The following LRPAP1 variants were observed in gnomAD, a reference collection of about 807,000 sequenced individuals.
The protein encoded by LRPAP1 is alpha-2-macroglobulin receptor-associated protein.
Under a neutral mutation model 39.9 loss-of-function variants are expected in LRPAP1, and 41 were observed. The ratio of observed to expected loss-of-function variants is 1.03; its 90% CI spans 0.80 to 1.33. LRPAP1 has a LOEUF of 1.33. Among genes scored for constraint, LRPAP1 ranks in the 40% most tolerant of loss-of-function variants. The pLI is 0.00. For synonymous variants in LRPAP1, 263 were observed against 212.7 expected (o/e 1.24, Z -2.06); for missense variants, 565 against 482.3 (o/e 1.17, Z -1.61).
In LRPAP1 at chr4:3,510,551, A is replaced by G. The variant is rs1244854530; in HGVS notation, c.*2423T>C. The G allele has an allele frequency of 6.6e-6, 1 of 152,298 alleles. No individual in the cohort carries two copies. Among genetic ancestry groups the G allele is most frequent in the East Asian group, 1.9e-4 (1 of 5,204 alleles). The allele number at this position is 152,298 out of a possible 1,614,324, so 9.4% of individuals were successfully genotyped here. ...CAAATTAGGAGAAAAAAGCCTATGC[A>G]GCAAATAATCTGAAAGTTAAGGGAG... On this transcript the variant is annotated 3_prime_UTR_variant, in exon 8 of 8. Transcript: ENST00000650182.
Position 3,532,117 on chromosome 4 carries a change from C to A in LRPAP1, c.204+92G>T, listed in dbSNP as rs1007427095. 38 of 1,395,006 alleles carry A rather than the reference C, an allele frequency of 2.7e-5. 1 individual carries two copies. The highest frequency in any genetic ancestry group is 4.0e-5 in the South Asian group (3 of 74,104). 86.4% of individuals were successfully genotyped at this position (1,395,006 alleles called of 1,614,324 possible). ...GGCACAGGTGCCCCGGCTGCGCCCCCCTCCGCCTCCGACCCCTGGGCCCCG... is the reference window on the plus strand; with the variant it reads ...GGCACAGGTGCCCCGGCTGCGCCCCACTCCGCCTCCGACCCCTGGGCCCCG... On this transcript the variant is annotated intron_variant, in intron 1 of 7. Coordinates refer to ENST00000650182, the MANE Select transcript of LRPAP1 (RefSeq NM_002337.4).
chr4:3,507,209 A>G lies in LRPAP1; in HGVS notation c.*5765T>C, dbSNP rs769197097. On this transcript the variant is annotated 3_prime_UTR_variant, in exon 8 of 8. Transcript: ENST00000650182. ...ACTGCACTCCAAGCCTGTGCGAGAA[A>G]GATCCTGACTCAAAAAAAAAGACAA... 2 of 152,188 alleles carry G rather than the reference A, an allele frequency of 1.3e-5. No homozygotes were observed. The highest frequency in any genetic ancestry group is 2.9e-5 in the Non-Finnish European group (2 of 68,036). 9.4% of individuals were successfully genotyped at this position (152,188 alleles called of 1,614,324 possible). A position where few individuals can be genotyped will look rare whatever the true frequency, so the allele number is the denominator to read the frequency against.
chr4:3,504,275 A>G lies in LRPAP1; in HGVS notation c.*8699T>C, dbSNP rs1290417976. ...AGAACCCTCTCCAGGAGGATGATCC[A>G]TATAACAGCTCTCAAATAGGCCCCC... On this transcript the variant is annotated 3_prime_UTR_variant, in exon 8 of 8. Coordinates refer to ENST00000650182, the MANE Select transcript of LRPAP1 (RefSeq NM_002337.4). The G allele has an allele frequency of 6.6e-6, 1 of 152,288 alleles. No individual in the cohort carries two copies. The highest frequency in any genetic ancestry group is 1.9e-4 in the East Asian group (1 of 5,198). 9.4% of individuals were successfully genotyped at this position (152,288 alleles called of 1,614,324 possible).
chr4:3,512,925 G>A lies in LRPAP1; in HGVS notation c.*49C>T. 1.3e-6 allele frequency: 2 copies of A among 1,554,564 alleles called. No individual in the cohort carries two copies. Among genetic ancestry groups the A allele is most frequent in the Non-Finnish European group, 1.8e-6 (2 of 1,142,546 alleles). ...CGGAAATGCCACGGCCAAGAGCCCA[G>A]GTCCTTCACGCTGGCCTCTTCCCTG... On this transcript the variant is annotated 3_prime_UTR_variant, in exon 8 of 8. Coordinates refer to ENST00000650182, the MANE Select transcript of LRPAP1 (RefSeq NM_002337.4).
chr4:3,532,015 A>C, intron 1 of LRPAP1, 194 bp downstream of exon 1: 2 of 631,390 alleles, frequency 3.2e-6, no homozygotes, highest in Non-Finnish European at 5.3e-6. Context: ...CGGCACGGGT[A>C]CCTTTCCTGC....
At chr4:3,524,771 C>T in intron 2 of LRPAP1, 136 bp downstream of exon 2, 1 of 1,024,110 alleles carries the variant, frequency 9.8e-7, no homozygotes, top group Non-Finnish European at 1.5e-6. Context: ...GGGAAAGGCT[C>T]ATTTTGGATA....
chr4:3,520,450 C>G (rs1340578513), intron 2 of LRPAP1, among the ~76,000 whole-genome samples: 1 of 152,248 alleles, frequency 6.6e-6, no homozygotes, highest in African/African-American at 2.4e-5. Flanking sequence ...CTCTTTCCTA[C>G]CAGGGACACG....
In LRPAP1 at chr4:3,532,404, C is replaced by T. The variant is rs374848233; in HGVS notation, c.9G>A (p.Pro3=). 4 of 1,572,746 alleles carry T rather than the reference C, an allele frequency of 2.5e-6. No individual in the cohort carries two copies. In the Admixed American group the frequency reaches 7.2e-5, roughly 28 times the overall value. MA[P]RRVRSFLRGL... ...CGCGCAGAAACGACCTGACCCTCCG[C>T]GGCGCCATCTTCCTCTGCGACTGGC... Residue 3 remains proline, a synonymous_variant, in exon 1 of 8, where the codon CCG becomes CCA. Coordinates refer to ENST00000650182, the MANE Select transcript of LRPAP1 (RefSeq NM_002337.4).
intron 1 of LRPAP1, among the ~76,000 whole-genome samples, chr4:3,528,608 C>T (rs1730147960): frequency 1.3e-5 from 2 of 152,226 alleles, no homozygotes; most frequent in Non-Finnish European, 2.9e-5. Flanking sequence ...TGCCATCCTC[C>T]CAGCGCTCAC....
intron 7 of LRPAP1, 39 bp downstream of exon 7, chr4:3,514,713 G>A (rs1439300518): frequency 1.3e-6 from 2 of 1,561,400 alleles, no homozygotes; most frequent in African/African-American, 2.7e-5. Context: ...TTTCCTGCAG[G>A]GGAACTGTGG....
Position 3,512,949 on chromosome 4 carries a change from T to C in LRPAP1, c.*25A>G, listed in dbSNP as rs772170081. The C allele has an allele frequency of 6.2e-7, 1 of 1,601,578 alleles. No homozygotes were observed. Among genetic ancestry groups the C allele is most frequent in the Non-Finnish European group, 8.5e-7 (1 of 1,174,688 alleles). ...AGGTCCTTCACGCTGGCCTCTTCCC[T>C]GCCGGGCTGGGCTCCCCAATGCCTT... On this transcript the variant is annotated 3_prime_UTR_variant, in exon 8 of 8. Transcript: ENST00000650182.
chr4:3,520,195 T>A lies in LRPAP1; in HGVS notation c.350-2A>T. 3 of 1,613,220 alleles carry A rather than the reference T, an allele frequency of 1.9e-6. No homozygotes were observed. The highest frequency in any genetic ancestry group is 2.5e-6 in the Non-Finnish European group (3 of 1,179,446). On this transcript the variant is annotated splice_acceptor_variant, in intron 2 of 7. Coordinates refer to ENST00000650182, the MANE Select transcript of LRPAP1 (RefSeq NM_002337.4). LOFTEE classifies it high-confidence loss of function. The stretch of plus-strand genomic sequence containing the variant: ...CCAGACCATACTTGGCCAAGATGAC[T>A]AGGAGAGAGGGGAGGTTCTATTTGA...
Position 3,518,206 on chromosome 4 carries a change from G to C in LRPAP1, c.593-14C>G, listed in dbSNP as rs766823092. 5.9e-5 allele frequency: 95 copies of C among 1,604,396 alleles called. No individual in the cohort carries two copies. The highest frequency in any genetic ancestry group is 1.0e-4 in the Admixed American group (6 of 59,630). On this transcript the variant is annotated splice_polypyrimidine_tract_variant and intron_variant, in intron 4 of 7. Transcript: ENST00000650182. ...TCTCGTGGATTTCTGTAAAACCGAAGGCAGGACGCCATGAGGCTGGGAGTC... is the reference window on the plus strand; with the variant it reads ...TCTCGTGGATTTCTGTAAAACCGAACGCAGGACGCCATGAGGCTGGGAGTC...
intron 1 of LRPAP1, among the ~76,000 whole-genome samples, chr4:3,531,803 CT>C (rs1730263130): frequency 6.6e-6 from 1 of 152,282 alleles, no homozygotes; most frequent in South Asian, 2.1e-4. Context: ...CTGGACACGT[CT>C]TTCTACCCAA....
intron 6 of LRPAP1, 65 bp from the exon 7 acceptor site, chr4:3,514,993 G>T: frequency 1.3e-6 from 2 of 1,566,536 alleles, no homozygotes; most frequent in African/African-American, 2.7e-5. Flanking sequence ...TTGTGGTCCC[G>T]GGTGAACTGC....
rs1482673479 is a variant in LRPAP1 at position 3,532,366 on chromosome 4, A to G, written c.47T>C (p.Leu16Pro). Residue 16 changes from leucine (L) to proline (P), a missense_variant, in exon 1 of 8, where the codon CTG becomes CCG. Coordinates refer to ENST00000650182, the MANE Select transcript of LRPAP1 (RefSeq NM_002337.4). ...CCCGAGGAAGAGCAGCAGCAGTAGCAGCGCCGGGAGCCCGCGCAGAAACGA... is the reference window on the plus strand; with the variant it reads ...CCCGAGGAAGAGCAGCAGCAGTAGCGGCGCCGGGAGCCCGCGCAGAAACGA... ...VRSFLRGLPA[L>P]LLLLLFLGPW... 2 of 1,593,218 alleles carry G rather than the reference A, an allele frequency of 1.3e-6. No homozygotes were observed. Among genetic ancestry groups the G allele is most frequent in the African/African-American group, 1.3e-5 (1 of 74,634 alleles).
Position 3,518,061 on chromosome 4 carries a change from T to C in LRPAP1, c.724A>G (p.Ser242Gly), listed in dbSNP as rs763535258. 1 of 1,611,596 alleles carries C rather than the reference T, an allele frequency of 6.2e-7. No homozygotes were observed. The highest frequency in any genetic ancestry group is 1.1e-5 in the South Asian group (1 of 90,958). The change falls in exon 5 of 8, where the codon AGC (serine) becomes GGC (glycine). Residue 242 changes from serine to glycine, a missense_variant. Transcript: ENST00000650182. ...NQGLDRLRRVSHQGYSTEAEF... is the reference protein window; with the variant it reads ...NQGLDRLRRVGHQGYSTEAEF... ...GCCTCAGTGCTGTAGCCCTGGTGGC[T>C]GACCCTGCGCAGGCGGTCCAGGCCC...
intron 4 of LRPAP1, among the ~76,000 whole-genome samples, chr4:3,518,523 G>A (rs1405597787): frequency 1.3e-5 from 2 of 152,182 alleles, no homozygotes; most frequent in Admixed American, 6.5e-5. Context: ...TTTGTGGGGT[G>A]GGAAAGTCAC....
At chr4:3,519,212 C>T (rs1388895170) in intron 3 of LRPAP1, among the ~76,000 whole-genome samples, 2 of 152,114 alleles carry the variant, frequency 1.3e-5, no homozygotes, top group East Asian at 1.9e-4. Flanking sequence ...CAACAGGGGA[C>T]AGCTACCGAG....
Sources: allele counts gnomAD v4.1 joint callset (sites outside exome capture counted in the v4.1 genomes callset), GRCh38; gene constraint gnomAD v4.1.1; transcripts MANE v1.5; gene names NCBI Gene and HGNC (gene_info 2026-07-23, HGNC 2026-07-21).